Variants in ITPRID1 observed in about 807,000 individuals in gnomAD.
ITPRID1 encodes protein ITPRID1.
In ITPRID1, 96 loss-of-function variants were observed where a neutral mutation model predicts 95.4. The ratio of observed to expected loss-of-function variants is 1.01; its 90% confidence interval spans 0.85 to 1.19. ITPRID1 has a LOEUF of 1.19. ITPRID1 is among the 50% of genes most tolerant of loss of function. The pLI is 0.00. For missense variants in ITPRID1, 1,339 were observed against 1,252.9 expected (o/e 1.07, Z -1.04); for synonymous variants, 510 against 453.6 (o/e 1.12, Z -1.58).
chr7:31,571,598 C>T (rs1334476188), intron 6 of ITPRID1, among the ~76,000 whole-genome samples: 1 of 152,042 alleles, frequency 6.6e-6, no homozygotes, highest in Non-Finnish European at 1.5e-5. Context: ...TTCATTTTTT[C>T]CATAGTAAAG....
intron 10 of ITPRID1, among the ~76,000 whole-genome samples, chr7:31,600,555 A>G (rs1357726915): frequency 6.6e-6 from 1 of 152,226 alleles, no homozygotes; most frequent in Non-Finnish European, 1.5e-5. Flanking sequence ...AAGGTTAAAG[A>G]GAGAAAGAAA....
intron 1 of ITPRID1, among the ~76,000 whole-genome samples, chr7:31,522,842 G>T (rs1783309422): frequency 6.6e-6 from 1 of 152,114 alleles, no homozygotes; most frequent in African/African-American, 2.4e-5. Flanking sequence ...TAACTTAAAG[G>T]TATAAATAGA....
chr7:31,632,473 T>G (rs959149555), intron 10 of ITPRID1, among the ~76,000 whole-genome samples: 1 of 151,996 alleles, frequency 6.6e-6, no homozygotes, highest in African/African-American at 2.4e-5. Flanking sequence ...AAAATAAAAA[T>G]TATCCATGAC....
At chr7:31,558,374 C>T (rs1784519896) in intron 5 of ITPRID1, among the ~76,000 whole-genome samples, 1 of 152,206 alleles carries the variant, frequency 6.6e-6, no homozygotes, top group African/African-American at 2.4e-5. Context: ...GGGTAAGTCA[C>T]TGGCACTTCT....
intron 1 of ITPRID1, among the ~76,000 whole-genome samples, chr7:31,545,274 T>C (rs754901039): frequency 4.6e-5 from 7 of 152,130 alleles, no homozygotes; most frequent in Non-Finnish European, 8.8e-5. Flanking sequence ...AGTAGTTCTG[T>C]GCATCCAGAA....
chr7:31,619,093 A>G (rs1377140794), intron 10 of ITPRID1, among the ~76,000 whole-genome samples: 2 of 152,202 alleles, frequency 1.3e-5, no homozygotes, highest in African/African-American at 2.4e-5. Flanking sequence ...GCATGGTGAC[A>G]TTACCTTTAA....
chr7:31,597,916 T>TA (rs2128157904), intron 10 of ITPRID1, among the ~76,000 whole-genome samples: 1 of 152,202 alleles, frequency 6.6e-6, no homozygotes, highest in South Asian at 2.1e-4. Flanking sequence ...TGCCATAGTT[T>TA]AAAAAATGGA....
chr7:31,593,730 G>T (rs1785960707), intron 10 of ITPRID1, among the ~76,000 whole-genome samples: 2 of 152,082 alleles, frequency 1.3e-5, no homozygotes, highest in Admixed American at 1.3e-4. Flanking sequence ...CCTGCCAATA[G>T]ATTCAAATGT....
intron 1 of ITPRID1, among the ~76,000 whole-genome samples, chr7:31,541,803 T>C (rs988299427): frequency 2.6e-5 from 4 of 152,172 alleles, no homozygotes; most frequent in African/African-American, 9.6e-5. Flanking sequence ...GACCATATGG[T>C]AAGATTTTTA....
intron 10 of ITPRID1, among the ~76,000 whole-genome samples, chr7:31,604,888 C>A (rs752746033): frequency 2.6e-5 from 4 of 152,130 alleles, no homozygotes; most frequent in Non-Finnish European, 5.9e-5. Context: ...GTAATCCCAG[C>A]ACTTTGGGAG....
At chr7:31,647,002 A>G (rs1036657461) in intron 12 of ITPRID1, among the ~76,000 whole-genome samples, 1 of 152,250 alleles carries the variant, frequency 6.6e-6, no homozygotes, top group Non-Finnish European at 1.5e-5. Flanking sequence ...ATAGAAAAAA[A>G]TACACTCAAA....
intron 1 of ITPRID1, chr7:31,517,983 G>A (rs1783103845): frequency 6.6e-6 from 1 of 152,374 alleles, no homozygotes; most frequent in South Asian, 2.1e-4. Context: ...TACTGTGTGT[G>A]TTAAAAGGGA....
At chr7:31,541,032 A>G (rs1783917019) in intron 1 of ITPRID1, among the ~76,000 whole-genome samples, 1 of 152,234 alleles carries the variant, frequency 6.6e-6, no homozygotes, top group Non-Finnish European at 1.5e-5. Context: ...TATGCAAATA[A>G]CTATTGTCAT....
At chr7:31,563,141 G>A (rs1784680889) in intron 5 of ITPRID1, among the ~76,000 whole-genome samples, 1 of 152,170 alleles carries the variant, frequency 6.6e-6, no homozygotes, top group African/African-American at 2.4e-5. Flanking sequence ...AAAGAGGTGA[G>A]ACTGAAACTA....
At chr7:31,562,341 A>G (rs1397431560) in intron 5 of ITPRID1, among the ~76,000 whole-genome samples, 1 of 152,192 alleles carries the variant, frequency 6.6e-6, no homozygotes, top group Non-Finnish European at 1.5e-5. Flanking sequence ...CAGCAAAAAG[A>G]CAGTTTCTGT....
intron 5 of ITPRID1, among the ~76,000 whole-genome samples, chr7:31,568,230 G>C (rs985196283): frequency 5.3e-5 from 8 of 151,770 alleles, no homozygotes; most frequent in African/African-American, 1.7e-4. Flanking sequence ...TAAGCCTTTT[G>C]AAAATCTTCT....
At chr7:31,592,412 T>A (rs1045339014) in intron 10 of ITPRID1, among the ~76,000 whole-genome samples, 4 of 152,204 alleles carry the variant, frequency 2.6e-5, no homozygotes, top group Non-Finnish European at 5.9e-5. Context: ...TACATGTAAA[T>A]CCCTTATGTA....
At chr7:31,559,606 A>G (rs990567833) in intron 5 of ITPRID1, among the ~76,000 whole-genome samples, 3 of 152,188 alleles carry the variant, frequency 2.0e-5, no homozygotes, top group African/African-American at 7.2e-5. Context: ...TGGAGGTTGC[A>G]GTGAGCAGAG....
At chr7:31,578,590 T>C (rs1212129001) in intron 9 of ITPRID1, among the ~76,000 whole-genome samples, 156 bp downstream of exon 9, 1 of 152,208 alleles carries the variant, frequency 6.6e-6, no homozygotes, top group African/African-American at 2.4e-5. Context: ...TCATTCTAGT[T>C]GCTTTTGTTG....
Sources: allele counts gnomAD v4.1 joint callset (sites outside exome capture counted in the v4.1 genomes callset), GRCh38; gene constraint gnomAD v4.1.1; transcripts MANE v1.5; gene names NCBI Gene and HGNC (gene_info 2026-07-23, HGNC 2026-07-21).